Variants in DDX54 observed in about 807,000 individuals in gnomAD.
DDX54 encodes ATP-dependent RNA helicase DDX54.
Under a neutral mutation model 105.5 loss-of-function variants are expected in DDX54, and 67 were observed. The observed-to-expected ratio is 0.64, with a 90% CI of 0.52 to 0.78. The LOEUF is 0.78. DDX54 is among the 30% of genes least tolerant of loss of function. The pLI is 0.00. For missense variants in DDX54, 1,206 were observed against 1,230.5 expected (o/e 0.98, Z 0.30); for synonymous variants, 514 against 509.9 (o/e 1.01, Z -0.11).
In DDX54 at chr12:113,158,953, C is replaced by A. The variant is rs151166999; in HGVS notation, c.2570G>T (p.Arg857Leu). ...GGCGCCCTGCTGCAGCTCCTGGACG[C>A]GGCGGCGGTTGCGGGCAGAGAGCTG... ...LKQLSARNRRRVQELQQGAFG... is the reference protein window; with the variant it reads ...LKQLSARNRRLVQELQQGAFG... Residue 857 changes from arginine (R) to leucine (L), a missense_variant, in exon 20 of 20, where the codon CGC becomes CTC. Coordinates refer to ENST00000306014, the MANE Select transcript of DDX54 (RefSeq NM_024072.4). The surrounding 1 kb of genome is among the most constrained non-coding windows in gnomAD (Gnocchi z 4.9). The A allele has an allele frequency of 6.2e-7, 1 of 1,611,642 alleles. No homozygotes were observed. Among genetic ancestry groups the A allele is most frequent in the Non-Finnish European group, 8.5e-7 (1 of 1,178,990 alleles).
chr12:113,170,725 G>A (rs1291425500), intron 11 of DDX54, among the ~76,000 whole-genome samples: 5 of 152,290 alleles, frequency 3.3e-5, no homozygotes, highest in Admixed American at 2.6e-4. Flanking sequence ...ATAGGCAGCA[G>A]TCACACGACA....
intron 17 of DDX54, 171 bp downstream of exon 17, chr12:113,162,761 G>A: frequency 8.1e-6 from 5 of 620,224 alleles, no homozygotes. Context: ...GGGCCTGGAG[G>A]GGCAGCTCAC....
In DDX54 at chr12:113,157,848, G is replaced by A. The variant is rs1464236417; in HGVS notation, c.*1029C>T. Reference sequence around the variant, plus strand: ...GAGTGCTGTGGGCCTGCCATGAGGGGCACATAGCAAGCACTCCATAAATGC... The same window carrying A: ...GAGTGCTGTGGGCCTGCCATGAGGGACACATAGCAAGCACTCCATAAATGC... On this transcript the variant is annotated 3_prime_UTR_variant, in exon 20 of 20. Coordinates refer to ENST00000306014, the MANE Select transcript of DDX54 (RefSeq NM_024072.4). 1.6e-6 allele frequency: 1 copy of A among 628,348 alleles called. No homozygotes were observed. The highest frequency in any genetic ancestry group is 2.8e-6 in the Non-Finnish European group (1 of 351,826). The allele number at this position is 628,348 out of a possible 1,614,324, so 38.9% of individuals were successfully genotyped here. A position where few individuals can be genotyped will look rare whatever the true frequency, so the allele number is the denominator to read the frequency against.
chr12:113,182,644 A>C (rs1198059624), intron 1 of DDX54, among the ~76,000 whole-genome samples: 1 of 148,322 alleles, frequency 6.7e-6, no homozygotes, highest in Non-Finnish European at 1.5e-5. Context: ...TGCAGCCTCC[A>C]CCTCCTGGGT....
chr12:113,161,957 C>A lies in DDX54; in HGVS notation c.2236G>T (p.Glu746Ter). 1.4e-5 allele frequency: 22 copies of A among 1,613,312 alleles called. No individual in the cohort carries two copies. The highest frequency in any genetic ancestry group is 1.8e-5 in the Non-Finnish European group (21 of 1,179,914). Residue 746 changes from glutamate (E) to a stop codon, truncating the protein, a stop_gained, in exon 18 of 20, where the codon GAA becomes TAA. Transcript: ENST00000306014. LOFTEE classifies it high-confidence loss of function. ...KKRFVGQSGQ[E>*]DKKKIKTESG... ...TCTGTCTTAATCTTCTTCTTGTCTT[C>A]CTGTCCTGACTGTCCCACAAACCGC...
At chr12:113,178,700 G>A (rs1952433066) in intron 5 of DDX54, among the ~76,000 whole-genome samples, 1 of 152,034 alleles carries the variant, frequency 6.6e-6, no homozygotes, top group Non-Finnish European at 1.5e-5. Flanking sequence ...GCGACACCAT[G>A]CCCAGCTAAT....
In DDX54 at chr12:113,158,888, T is replaced by G; in HGVS notation, c.2635A>C (p.Lys879Gln). Residue 879 changes from lysine to glutamine, a missense_variant, in exon 20 of 20, where the codon AAG becomes CAG. Lys to Gln is a moderately conservative substitution (Grantham distance 53). Coordinates refer to ENST00000306014, the MANE Select transcript of DDX54 (RefSeq NM_024072.4). This position sits in a 1 kb window ranked among gnomAD's most constrained non-coding sequence, Gnocchi z 4.9. ...GARSKKGKMR[K>Q]RM ...CTGGGTCCTGGTCCTCACATCCTCTTCCGCATCTTGCCCTTCTTGGAGCGG... is the reference window on the plus strand; with the variant it reads ...CTGGGTCCTGGTCCTCACATCCTCTGCCGCATCTTGCCCTTCTTGGAGCGG... 1 of 1,602,482 alleles carries G rather than the reference T, an allele frequency of 6.2e-7. No individual in the cohort carries two copies. The highest frequency in any genetic ancestry group is 8.5e-7 in the Non-Finnish European group (1 of 1,171,736).
chr12:113,162,690 G>C (rs1260257876), intron 17 of DDX54: 8 of 457,358 alleles, frequency 1.7e-5, no homozygotes, highest in East Asian at 1.7e-4. Context: ...TGGAGGTAGG[G>C]GAGGCTCACT....
At chr12:113,175,928 G>A (rs1020865588) in intron 7 of DDX54, among the ~76,000 whole-genome samples, 1 of 152,026 alleles carries the variant, frequency 6.6e-6, no homozygotes, top group Non-Finnish European at 1.5e-5. Flanking sequence ...ACTCCAAACT[G>A]GGTGACAGAG....
rs1952240903 is a variant in DDX54, at chr12:113,163,937, C to A, written c.1938+130G>T. The A allele has an allele frequency of 2.1e-6, 3 of 1,419,854 alleles. No homozygotes were observed. Among genetic ancestry groups the A allele is most frequent in the African/African-American group, 2.9e-5 (2 of 69,550 alleles). The allele number at this position is 1,419,854 out of a possible 1,614,324, so 88.0% of individuals were successfully genotyped here. A position where few individuals can be genotyped will look rare whatever the true frequency, so the allele number is the denominator to read the frequency against. ...GGACAAGAACCATGCCCCGACTCTG[C>A]AGATGGGAAGCTGACTGCATCCACC... On this transcript the variant is annotated intron_variant, in intron 15 of 19. Coordinates refer to ENST00000306014, the MANE Select transcript of DDX54 (RefSeq NM_024072.4). This position sits in a 1 kb window ranked among gnomAD's most constrained non-coding sequence, Gnocchi z 5.9.
chr12:113,180,021 A>G lies in DDX54; in HGVS notation c.305-16T>C. On this transcript the variant is annotated splice_polypyrimidine_tract_variant and intron_variant, in intron 2 of 19. Transcript: ENST00000306014. ...TAGCTCAGGCCTGGGAGAGACATGAAACGGTCAGGGGGCCGAGGGAGTCCC... is the reference window on the plus strand; with the variant it reads ...TAGCTCAGGCCTGGGAGAGACATGAGACGGTCAGGGGGCCGAGGGAGTCCC... 1 of 1,614,110 alleles carries G rather than the reference A, an allele frequency of 6.2e-7. No homozygotes were observed. Among genetic ancestry groups the G allele is most frequent in the Non-Finnish European group, 8.5e-7 (1 of 1,179,990 alleles).
rs1364768486 is a variant in DDX54, at chr12:113,185,281, C to G, written c.171G>C (p.Arg57=). 1.9e-6 allele frequency: 3 copies of G among 1,564,886 alleles called. No individual in the cohort carries two copies. In the Admixed American group the frequency reaches 5.4e-5, roughly 28 times the overall value. ...CGTCCCAGCCCCACGCGCCTACCTTCCGGGCCCGGGCGTCATCTTCCGCCT... is the reference window on the plus strand; with the variant it reads ...CGTCCCAGCCCCACGCGCCTACCTTGCGGGCCCGGGCGTCATCTTCCGCCT... ...EIQAEDDARA[R]KLGPGRPLPT... Residue 57 remains arginine, a synonymous_variant, in exon 1 of 20, where the codon CGG becomes CGC. Coordinates refer to ENST00000306014, the MANE Select transcript of DDX54 (RefSeq NM_024072.4).
In DDX54 at chr12:113,161,965, G is replaced by A. The variant is rs1267955984; in HGVS notation, c.2228C>T (p.Ser743Leu). Residue 743 changes from serine (S) to leucine (L), a missense_variant, in exon 18 of 20, where the codon TCA (serine) becomes TTA (leucine). Physicochemically the swap from Ser to Leu is moderately radical, Grantham distance 145. Transcript: ENST00000306014. ...DRKKKRFVGQ[S>L]GQEDKKKIKT... ...AATCTTCTTCTTGTCTTCCTGTCCT[G>A]ACTGTCCCACAAACCGCTTCTTCTT... 1.2e-6 allele frequency: 2 copies of A among 1,613,232 alleles called. No homozygotes were observed. The highest frequency in any genetic ancestry group is 2.7e-5 in the African/African-American group (2 of 74,834).
At chr12:113,174,799 C>T in intron 9 of DDX54, 28 bp from the exon 10 acceptor site, 1 of 1,614,184 alleles carries the variant, frequency 6.2e-7, no homozygotes, top group Non-Finnish European at 8.5e-7. Context: ...CACGTGTTGG[C>T]TTACGGGGTC....
rs779064090 is a variant in DDX54, at chr12:113,158,954, G to C, written c.2569C>G (p.Arg857Gly). The C allele has an allele frequency of 6.2e-7, 1 of 1,611,510 alleles. No homozygotes were observed. Among genetic ancestry groups the C allele is most frequent in the Non-Finnish European group, 8.5e-7 (1 of 1,178,950 alleles). The change falls in exon 20 of 20, where the codon CGC becomes GGC. Residue 857 changes from arginine (R) to glycine (G), a missense_variant. By Grantham distance (125) the Arg-to-Gly change is moderately radical. Transcript: ENST00000306014. This position sits in a 1 kb window ranked among gnomAD's most constrained non-coding sequence, Gnocchi z 4.9. ...LKQLSARNRR[R>G]VQELQQGAFG... ...GCGCCCTGCTGCAGCTCCTGGACGC[G>C]GCGGCGGTTGCGGGCAGAGAGCTGC...
intron 1 of DDX54, among the ~76,000 whole-genome samples, chr12:113,184,981 A>C (rs1287938503): frequency 6.6e-6 from 1 of 152,168 alleles, no homozygotes; most frequent in Non-Finnish European, 1.5e-5. Flanking sequence ...GGCGAAAGGG[A>C]GCCAGGATCC....
intron 12 of DDX54, chr12:113,168,069 T>C (rs963527286): frequency 2.4e-5 from 10 of 412,528 alleles, no homozygotes; most frequent in Non-Finnish European, 4.4e-5. Context: ...CCACCTCCAG[T>C]GACTGCACAG....
At chr12:113,159,490 T>G (rs566987303) in intron 19 of DDX54, among the ~76,000 whole-genome samples, 8 of 152,322 alleles carry the variant, frequency 5.3e-5, no homozygotes, top group South Asian at 2.1e-4. Flanking sequence ...GGGAGCCTTT[T>G]GGGCATGACT....
intron 2 of DDX54, among the ~76,000 whole-genome samples, chr12:113,180,687 G>A (rs992764908): frequency 3.4e-5 from 5 of 148,564 alleles, no homozygotes; most frequent in African/African-American, 9.8e-5. Flanking sequence ...ATAAGTCCCC[G>A]ACTGTCTTTG....
Sources: allele counts gnomAD v4.1 joint callset (sites outside exome capture counted in the v4.1 genomes callset), GRCh38; gene constraint gnomAD v4.1.1; non-coding constraint Gnocchi (gnomAD v3.1); transcripts MANE v1.5; gene names NCBI Gene and HGNC (gene_info 2026-07-23, HGNC 2026-07-21).